The following NELL1 variants were observed in gnomAD, a reference collection of about 807,000 sequenced individuals.
NELL1 encodes neural EGFL like 1, also known as protein kinase C-binding protein NELL1.
In NELL1, 76 loss-of-function variants were observed where a neutral mutation model predicts 107.4. The observed-to-expected ratio is 0.71, with a 90% CI of 0.59 to 0.86. The LOEUF is 0.86. Among genes scored for constraint, NELL1 ranks in the 40% least tolerant of loss-of-function variants. The pLI is 0.00. For missense variants in NELL1, 1,024 were observed against 1,005.5 expected (o/e 1.02, Z -0.25); for synonymous variants, 353 against 341.2 (o/e 1.03, Z -0.38).
chr11:21,440,556 G>T (rs968294807), intron 15 of NELL1, among the ~76,000 whole-genome samples: 7 of 152,160 alleles, frequency 4.6e-5, no homozygotes, highest in Admixed American at 4.6e-4. Context: ...TAAATTTAGT[G>T]CAGGCTTATC....
chr11:21,211,067 C>A (rs1456919507), intron 13 of NELL1, among the ~76,000 whole-genome samples: 1 of 152,072 alleles, frequency 6.6e-6, no homozygotes, highest in Non-Finnish European at 1.5e-5. Context: ...TATGTGGTTT[C>A]TATTAAGAGA....
intron 15 of NELL1, 72 bp downstream of exon 15, chr11:21,371,020 T>C: frequency 8.8e-7 from 1 of 1,136,136 alleles, no homozygotes; most frequent in Non-Finnish European, 1.3e-6. Context: ...GAATAACAGC[T>C]CTTTCTTTAG....
chr11:21,258,664 T>A lies in NELL1; in HGVS notation c.1549+29210T>A, dbSNP rs79099364. On this transcript the variant is annotated intron_variant, in intron 14 of 19. Coordinates refer to ENST00000357134, the MANE Select transcript of NELL1 (RefSeq NM_006157.5). Reference sequence around the variant, plus strand: ...CAATCTGCTTTATTCAGTCTACTGATTCAAAATGTTATTCTCATCAAAAAA... The same window carrying A: ...CAATCTGCTTTATTCAGTCTACTGAATCAAAATGTTATTCTCATCAAAAAA... Among the ~76,000 whole-genome samples the A allele has an allele frequency of 4.4e-3, 664 of 151,984 alleles. 4 individuals are homozygous for A. The highest frequency in any genetic ancestry group is 0.015 in the African/African-American group (622 of 41,486).
At chr11:21,045,640 A>C (rs1010998551) in intron 12 of NELL1, among the ~76,000 whole-genome samples, 12 of 152,084 alleles carry the variant, frequency 7.9e-5, no homozygotes, top group African/African-American at 2.9e-4. Flanking sequence ...TTATTTTAGA[A>C]CTTTTCTGTT....
At chr11:20,715,536 T>G (rs2133901732) in intron 2 of NELL1, among the ~76,000 whole-genome samples, 1 of 152,308 alleles carries the variant, frequency 6.6e-6, no homozygotes, top group East Asian at 1.9e-4. Context: ...CACTCCACCT[T>G]ATGCATGTTT....
At chr11:21,290,830 T>G (rs1270514410) in intron 14 of NELL1, among the ~76,000 whole-genome samples, 1 of 151,854 alleles carries the variant, frequency 6.6e-6, no homozygotes, top group East Asian at 1.9e-4. Flanking sequence ...AGAAACCCCA[T>G]CCGAAGATCA....
At chr11:20,782,693 T>C (rs1374741740) in intron 2 of NELL1, among the ~76,000 whole-genome samples, 1 of 152,210 alleles carries the variant, frequency 6.6e-6, no homozygotes, top group Non-Finnish European at 1.5e-5. Context: ...TGTAGTTATC[T>C]TGCAGTCAGA....
chr11:20,797,145 C>T (rs549453584), intron 3 of NELL1, among the ~76,000 whole-genome samples: 1 of 152,242 alleles, frequency 6.6e-6, no homozygotes, highest in Admixed American at 6.5e-5. Context: ...AGGCCCAGGG[C>T]ATTGGGAGCC....
intron 13 of NELL1, among the ~76,000 whole-genome samples, chr11:21,141,767 T>C (rs910457453): frequency 3.3e-5 from 5 of 151,632 alleles, no homozygotes; most frequent in African/African-American, 1.2e-4. Flanking sequence ...ATTTATTTAT[T>C]TATTTATTTA....
At chr11:21,219,759 G>A (rs1857707096) in intron 13 of NELL1, among the ~76,000 whole-genome samples, 1 of 152,128 alleles carries the variant, frequency 6.6e-6, no homozygotes, top group South Asian at 2.1e-4. Context: ...GTAAGTTGCT[G>A]GCACTTTTGT....
At chr11:20,974,185 C>T (rs1432611191) in intron 12 of NELL1, among the ~76,000 whole-genome samples, 1 of 152,084 alleles carries the variant, frequency 6.6e-6, no homozygotes, top group Non-Finnish European at 1.5e-5. Context: ...AGTAAGTATT[C>T]GTTGAATAAA....
intron 15 of NELL1, among the ~76,000 whole-genome samples, chr11:21,460,995 A>G (rs1853886891): frequency 6.6e-6 from 1 of 152,016 alleles, no homozygotes; most frequent in Non-Finnish European, 1.5e-5. Flanking sequence ...TTTACTGAAT[A>G]AATTTACTAG....
chr11:21,290,491 T>C (rs1399494412), intron 14 of NELL1, among the ~76,000 whole-genome samples: 2 of 152,196 alleles, frequency 1.3e-5, no homozygotes, highest in East Asian at 3.8e-4. Context: ...TCTCAACCTC[T>C]GCTAAGGGAC....
chr11:21,390,499 G>A (rs911988563), intron 15 of NELL1, among the ~76,000 whole-genome samples: 1 of 148,146 alleles, frequency 6.8e-6, no homozygotes, highest in Non-Finnish European at 1.5e-5. Context: ...CATCCACAGT[G>A]TGTGTGGATG....
At position 21,469,375 on chromosome 11, in the gene NELL1, A is replaced by T. The variant is rs181985644; in HGVS notation, c.1646-64999A>T. On this transcript the variant is annotated intron_variant, in intron 15 of 19. Coordinates refer to ENST00000357134, the MANE Select transcript of NELL1 (RefSeq NM_006157.5). ...CTCCACTTGCAAGAAAAAGTCTTGC[A>T]GGAGTACCCATCCCCACCTAAACAG... Among the ~76,000 whole-genome samples the T allele has an allele frequency of 4.0e-4, 61 of 152,158 alleles. 1 individual carries two copies. Among genetic ancestry groups the T allele is most frequent in the Admixed American group, 3.8e-3 (58 of 15,252 alleles).
Position 21,329,553 on chromosome 11 carries a change from A to G in NELL1, c.1550-41300A>G, listed in dbSNP as rs534566889. Among the ~76,000 whole-genome samples the G allele has an allele frequency of 3.1e-4, 47 of 152,314 alleles. No individual in the cohort carries two copies. In the Middle Eastern group the frequency reaches 0.01, roughly 33 times the overall value. On this transcript the variant is annotated intron_variant, in intron 14 of 19. Transcript: ENST00000357134. ...TCATCTCATATAGTTAAATATTGTA[A>G]TAGCAACTAGAATCTACTCACTTAG...
intron 15 of NELL1, among the ~76,000 whole-genome samples, chr11:21,400,962 A>T (rs16908035): frequency 0.015 from 2,256 of 151,990 alleles, 48 homozygotes; most frequent in African/African-American, 0.049. Context: ...TTACACAGAA[A>T]ATAACACATT....
intron 15 of NELL1, among the ~76,000 whole-genome samples, chr11:21,394,665 G>C (rs1851945231): frequency 6.6e-6 from 1 of 151,412 alleles, no homozygotes; most frequent in African/African-American, 2.4e-5. Flanking sequence ...GTCTCTGGAA[G>C]GGAGACACAT....
intron 12 of NELL1, among the ~76,000 whole-genome samples, chr11:21,078,014 G>A (rs1019417772): frequency 6.6e-6 from 1 of 151,784 alleles, no homozygotes; most frequent in Non-Finnish European, 1.5e-5. Flanking sequence ...AGAACACAAG[G>A]CTCCAGGTAA....
Sources: gnomAD v4.1 joint callset for allele counts (sites outside exome capture counted in the v4.1 genomes callset) on GRCh38, gnomAD v4.1.1 for gene constraint, MANE v1.5 for transcripts, NCBI Gene and HGNC (gene_info 2026-07-23, HGNC 2026-07-21) for gene names.